The following DNPEP variants were observed in gnomAD, a reference collection of about 807,000 sequenced individuals.
The protein encoded by DNPEP is aspartyl aminopeptidase.
DNPEP carries 46 observed loss-of-function variants against 59.1 expected under a neutral mutation model. That is an observed-to-expected ratio of 0.78 (90% confidence interval 0.61 to 0.99). The LOEUF is 0.99. DNPEP is among the 50% of genes least tolerant of loss of function. The pLI is 0.00. For synonymous variants in DNPEP, 229 were observed against 242.2 expected, an observed-to-expected ratio of 0.95 and a Z score of 0.50; for missense variants, 617 against 649.9, an observed-to-expected ratio of 0.95 and a Z score of 0.55.
intron 9 of DNPEP, 44 bp downstream of exon 9, chr2:219,384,322 T>C (rs1310491099): frequency 2.6e-6 from 4 of 1,555,620 alleles, no homozygotes; most frequent in South Asian, 1.2e-5. Context: ...ACATACCACC[T>C]CTGCTGGTGG....
intron 4 of DNPEP, 32 bp downstream of exon 4, chr2:219,386,630 TCTC>T (rs772475731): frequency 1.3e-6 from 2 of 1,578,680 alleles, no homozygotes; most frequent in South Asian, 2.3e-5. Flanking sequence ...CCCTCTGACA[TCTC>T]CTCCCACCCC....
intron 11 of DNPEP, 31 bp downstream of exon 11, chr2:219,381,948 G>C: frequency 6.2e-7 from 1 of 1,611,980 alleles, no homozygotes; most frequent in Non-Finnish European, 8.5e-7. Context: ...CCAGCTATGT[G>C]AAGACTGTGT....
In DNPEP at chr2:219,381,317, G is replaced by C; in HGVS notation, c.1239+18C>G. 1 of 1,608,570 alleles carries C rather than the reference G, an allele frequency of 6.2e-7. No individual in the cohort carries two copies. The highest frequency in any genetic ancestry group is 8.5e-7 in the Non-Finnish European group (1 of 1,175,792). On this transcript the variant is annotated intron_variant, in intron 13 of 14. Transcript: ENST00000273075. Reference sequence around the variant, plus strand: ...AAGCTCCCTCCATCACACCTTCCCAGGCAGGGCCCACCCTCACCTGCAGGG... The same window carrying C: ...AAGCTCCCTCCATCACACCTTCCCACGCAGGGCCCACCCTCACCTGCAGGG...
chr2:219,390,376 A>T (rs965060873), upstream of DNPEP, among the ~76,000 whole-genome samples: 29 of 152,228 alleles, frequency 1.9e-4, no homozygotes, highest in Non-Finnish European at 3.5e-4. Context: ...AAAAACACTG[A>T]CTTTCTTGTA....
intron 13 of DNPEP, among the ~76,000 whole-genome samples, chr2:219,378,279 C>A (rs1004538046): frequency 6.6e-6 from 1 of 152,196 alleles, no homozygotes; most frequent in African/African-American, 2.4e-5. Context: ...CTCCCCTAAC[C>A]CTCTCCTGCT....
rs531593029 is a variant in DNPEP at position 219,372,324 on chromosome 2, C to T, written c.*1968G>A. ...TGCATTTTTCCAGGCTTTTTCTATA[C>T]ATGTATACATCTACGTGCATATTTA... On this transcript the variant is annotated 3_prime_UTR_variant, in exon 15 of 15. Coordinates refer to ENST00000273075, the MANE Select transcript of DNPEP (RefSeq NM_012100.4). 1.3e-5 allele frequency among the ~76,000 whole-genome samples: 2 copies of T among 152,132 alleles called. No homozygotes were observed. Among genetic ancestry groups the T allele is most frequent in the Non-Finnish European group, 2.9e-5 (2 of 68,040 alleles).
rs568035748 is a variant in DNPEP at position 219,372,500 on chromosome 2, G to T, written c.*1792C>A. On this transcript the variant is annotated 3_prime_UTR_variant, in exon 15 of 15. Coordinates refer to ENST00000273075, the MANE Select transcript of DNPEP (RefSeq NM_012100.4). The stretch of plus-strand genomic sequence containing the variant: ...CCTGCCTCAGCCTCCCGAGTAGCTG[G>T]GATTACAGGCACCCACCACCACGCA... Among the ~76,000 whole-genome samples, 85 of 151,916 alleles carry T rather than the reference G, an allele frequency of 5.6e-4. No individual in the cohort carries two copies. Among genetic ancestry groups the T allele is most frequent in the Admixed American group, 7.9e-4 (12 of 15,238 alleles).
At chr2:219,380,832 CAT>C (rs1185477985) in intron 13 of DNPEP, among the ~76,000 whole-genome samples, 19 of 146,072 alleles carry the variant, frequency 1.3e-4, no homozygotes, top group African/African-American at 5.1e-4. Flanking sequence ...ATGTATACAA[CAT>C]ATATATGTAC....
At chr2:219,387,243 C>G (rs1953886322) in intron 1 of DNPEP, 80 bp from the exon 2 acceptor site, 3 of 1,526,734 alleles carry the variant, frequency 2.0e-6, no homozygotes, top group African/African-American at 1.4e-5. Context: ...TTCTCCCATC[C>G]CCACCCCCAG....
At chr2:219,383,390 G>A (rs1010588408) in intron 9 of DNPEP, among the ~76,000 whole-genome samples, 176 bp from the exon 10 acceptor site, 6 of 152,192 alleles carry the variant, frequency 3.9e-5, no homozygotes, top group African/African-American at 1.2e-4. Context: ...CTGGCAGAGG[G>A]TGTGGTGGGG....
Position 219,384,447 on chromosome 2 carries a change from G to C in DNPEP, c.775-4C>G, listed in dbSNP as rs377653451. The stretch of plus-strand genomic sequence containing the variant: ...CATCATAGGCACCACCCAAGACCTA[G>C]AGAGGTAAGACAGTCAGCCCGACCT... On this transcript the variant is annotated splice_region_variant and splice_polypyrimidine_tract_variant and intron_variant, in intron 8 of 14. Transcript: ENST00000273075. 1.4e-5 allele frequency: 22 copies of C among 1,608,890 alleles called. No individual in the cohort carries two copies. The African/African-American group carries it at 2.1e-4, about 16-fold the overall frequency.
Position 219,383,120 on chromosome 2 carries a change from C to T in DNPEP, c.936+11G>A, listed in dbSNP as rs1409701835. ...CCGCAGAGGTGACCCTCCCCAGAAC[C>T]CTCCACGTACCTCTTCGTTGTCATA... On this transcript the variant is annotated intron_variant, in intron 10 of 14. Transcript: ENST00000273075. 2 of 1,613,414 alleles carry T rather than the reference C, an allele frequency of 1.2e-6. No homozygotes were observed. The highest frequency in any genetic ancestry group is 1.7e-6 in the Non-Finnish European group (2 of 1,179,334).
intron 10 of DNPEP, 112 bp from the exon 11 acceptor site, chr2:219,382,251 GT>G: frequency 7.9e-7 from 1 of 1,271,666 alleles, no homozygotes; most frequent in Non-Finnish European, 1.1e-6. Flanking sequence ...GAGTCACTGG[GT>G]GTTCTTAGCA....
Position 219,375,970 on chromosome 2 carries a change from T to C in DNPEP, c.1240-948A>G, listed in dbSNP as rs548173621. Among the ~76,000 whole-genome samples the C allele has an allele frequency of 3.9e-5, 6 of 152,188 alleles. No homozygotes were observed. The South Asian group carries it at 1.2e-3, about 32-fold the overall frequency. ...TGCAGTGCCAGGCTATGGTCTCTAA[T>C]ACCACTGCTTGCCAAAAACTACCAA... On this transcript the variant is annotated intron_variant, in intron 13 of 14. Coordinates refer to ENST00000273075, the MANE Select transcript of DNPEP (RefSeq NM_012100.4).
intron 9 of DNPEP, 85 bp downstream of exon 9, chr2:219,384,281 C>A (rs60712769): frequency 1.5e-6 from 2 of 1,343,698 alleles, no homozygotes; most frequent in Admixed American, 4.1e-5. Flanking sequence ...TCACAACCTG[C>A]TGGGGCTTTA....
upstream of DNPEP, among the ~76,000 whole-genome samples, chr2:219,390,311 A>G (rs1479538788): frequency 6.6e-6 from 1 of 152,238 alleles, no homozygotes; most frequent in East Asian, 1.9e-4. Context: ...AGAATCCCCA[A>G]GAAAATAAAC....
chr2:219,372,909 T>G lies in DNPEP; in HGVS notation c.*1383A>C, dbSNP rs1371176152. ...AAATTTATATGTATTGATATAGAAATATCTCTATATTATATTAAGTTTTTT... is the reference window on the plus strand; with the variant it reads ...AAATTTATATGTATTGATATAGAAAGATCTCTATATTATATTAAGTTTTTT... On this transcript the variant is annotated 3_prime_UTR_variant, in exon 15 of 15. Coordinates refer to ENST00000273075, the MANE Select transcript of DNPEP (RefSeq NM_012100.4). Among the ~76,000 whole-genome samples, 1 of 152,160 alleles carries G rather than the reference T, an allele frequency of 6.6e-6. No homozygotes were observed. The highest frequency in any genetic ancestry group is 1.5e-5 in the Non-Finnish European group (1 of 68,032).
At chr2:219,379,561 A>G (rs1953503397) in intron 13 of DNPEP, among the ~76,000 whole-genome samples, 1 of 152,206 alleles carries the variant, frequency 6.6e-6, no homozygotes, top group Non-Finnish European at 1.5e-5. Context: ...TAGCTGTACT[A>G]TGTGTTTGTG....
At chr2:219,385,561 C>T in intron 7 of DNPEP, 30 bp from the exon 8 acceptor site, 1 of 1,607,494 alleles carries the variant, frequency 6.2e-7, no homozygotes, top group South Asian at 1.1e-5. Context: ...TGGGAAGAGT[C>T]CATTCCTCCT....
Sources: gnomAD v4.1 joint callset for allele counts (sites outside exome capture counted in the v4.1 genomes callset) on GRCh38, gnomAD v4.1.1 for gene constraint, MANE v1.5 for transcripts, NCBI Gene and HGNC (gene_info 2026-07-23, HGNC 2026-07-21) for gene names.